Variants in SPAG16 observed in about 807,000 individuals in gnomAD.
SPAG16 encodes sperm-associated antigen 16 protein.
Under a neutral mutation model 80.4 loss-of-function variants are expected in SPAG16, and 86 were observed. That is an observed-to-expected ratio of 1.07 (90% CI 0.90 to 1.28). The LOEUF (loss-of-function observed/expected upper bound fraction) is 1.28. Among genes scored for constraint, SPAG16 ranks in the 50% most tolerant of loss-of-function variants. SPAG16 has a pLI of 0.00. For synonymous variants in SPAG16, 294 were observed against 265.9 expected, an observed-to-expected ratio of 1.11 and a Z score of -1.03; for missense variants, 870 against 765.3, an observed-to-expected ratio of 1.14 and a Z score of -1.61.
intron 9 of SPAG16, among the ~76,000 whole-genome samples, chr2:213,415,268 G>A (rs553562339): frequency 2.0e-4 from 30 of 152,342 alleles, no homozygotes; most frequent in Admixed American, 2.6e-4. Context: ...AAGCATGCAA[G>A]GAGCATGCAG....
At chr2:213,545,140 A>T (rs985651555) in intron 10 of SPAG16, among the ~76,000 whole-genome samples, 7 of 152,040 alleles carry the variant, frequency 4.6e-5, no homozygotes, top group African/African-American at 1.7e-4. Flanking sequence ...CCTTACCAGC[A>T]TTTTGTGGTT....
chr2:213,777,090 AT>A, intron 10 of SPAG16, among the ~76,000 whole-genome samples: 1 of 151,952 alleles, frequency 6.6e-6, no homozygotes, highest in South Asian at 2.1e-4. Context: ...ACATTATACT[AT>A]TTTTCCCTTT....
intron 15 of SPAG16, among the ~76,000 whole-genome samples, chr2:214,279,419 A>C (rs1195877864): frequency 2.0e-5 from 3 of 152,218 alleles, no homozygotes; most frequent in African/African-American, 7.2e-5. Flanking sequence ...ACCCAGAGAG[A>C]TGAAAAACAC....
chr2:213,492,355 C>T (rs191631422), intron 10 of SPAG16, among the ~76,000 whole-genome samples: 18 of 152,180 alleles, frequency 1.2e-4, no homozygotes, highest in East Asian at 1.2e-3. Context: ...TTGAGACCAT[C>T]CTGGCTAACA....
intron 10 of SPAG16, among the ~76,000 whole-genome samples, chr2:213,595,185 G>A (rs961181185): frequency 1.3e-5 from 2 of 152,018 alleles, no homozygotes; most frequent in African/African-American, 2.4e-5. Flanking sequence ...ATGATAGGCT[G>A]CTATTCCATC....
intron 13 of SPAG16, among the ~76,000 whole-genome samples, chr2:214,093,819 A>C (rs2052392210): frequency 6.6e-6 from 1 of 152,120 alleles, no homozygotes; most frequent in African/African-American, 2.4e-5. Flanking sequence ...ATCCATAAAC[A>C]ATATATAAAT....
chr2:214,177,916 CATATATATAT>C (rs10622953), intron 15 of SPAG16, among the ~76,000 whole-genome samples: 2 of 92,204 alleles, frequency 2.2e-5, no homozygotes, highest in Admixed American at 1.2e-4. Flanking sequence ...TATATATATA[CATATATATAT>C]ATATATATGG....
chr2:214,103,152 C>A (rs1046831577), intron 13 of SPAG16, among the ~76,000 whole-genome samples: 2 of 152,128 alleles, frequency 1.3e-5, no homozygotes, highest in African/African-American at 2.4e-5. Context: ...AACACACATG[C>A]CCAAGAAGCT....
At chr2:213,306,101 C>A (rs1395641041) in intron 3 of SPAG16, among the ~76,000 whole-genome samples, 1 of 151,948 alleles carries the variant, frequency 6.6e-6, no homozygotes, top group East Asian at 1.9e-4. Flanking sequence ...TCCATTTCTT[C>A]TAGGCTTTCC....
At chr2:213,875,185 C>T (rs2076096881) in intron 11 of SPAG16, among the ~76,000 whole-genome samples, 1 of 151,874 alleles carries the variant, frequency 6.6e-6, no homozygotes, top group Admixed American at 6.6e-5. Context: ...GGGATCCTCC[C>T]ACTTTGAATC....
intron 10 of SPAG16, among the ~76,000 whole-genome samples, chr2:213,608,935 G>A (rs990270107): frequency 6.6e-6 from 1 of 152,156 alleles, no homozygotes; most frequent in Admixed American, 6.5e-5. Context: ...TGCCCGCCTC[G>A]GCCTCCCAAA....
intron 15 of SPAG16, among the ~76,000 whole-genome samples, chr2:214,317,940 C>G (rs528473424): frequency 6.6e-6 from 1 of 152,266 alleles, no homozygotes; most frequent in East Asian, 1.9e-4. Flanking sequence ...AATCAGAAAG[C>G]CTTCAAGTAT....
chr2:213,805,661 A>C (rs1212760226), intron 10 of SPAG16, among the ~76,000 whole-genome samples: 2 of 152,172 alleles, frequency 1.3e-5, no homozygotes, highest in African/African-American at 4.8e-5. Context: ...CAGAGAAACA[A>C]ACCTTCTGAT....
chr2:213,509,878 G>A (rs1294210888), intron 10 of SPAG16, among the ~76,000 whole-genome samples: 1 of 152,172 alleles, frequency 6.6e-6, no homozygotes, highest in African/African-American at 2.4e-5. Context: ...GAATCCAGCA[G>A]CTGGTTTTTT....
At chr2:213,297,445 G>A in intron 3 of SPAG16, 88 bp downstream of exon 3, 1 of 672,142 alleles carries the variant, frequency 1.5e-6, no homozygotes, top group Non-Finnish European at 2.5e-6. Flanking sequence ...GTAAATACTA[G>A]TGTAGCTCAG....
At chr2:213,747,489 C>T (rs1314866389) in intron 10 of SPAG16, among the ~76,000 whole-genome samples, 1 of 152,186 alleles carries the variant, frequency 6.6e-6, no homozygotes, top group Non-Finnish European at 1.5e-5. Context: ...AAATTGCAGT[C>T]CTGTAGGCAC....
At chr2:213,966,156 G>A (rs1025041507) in intron 12 of SPAG16, among the ~76,000 whole-genome samples, 6 of 152,150 alleles carry the variant, frequency 3.9e-5, no homozygotes, top group Non-Finnish European at 7.4e-5. Context: ...TGGGCTCTGG[G>A]AGAAGATGGA....
At position 213,548,908 on chromosome 2, in the gene SPAG16, T is replaced by C. The variant is rs113859920; in HGVS notation, c.1070+58818T>C. ...GTTTGATAGTTTTATGATTGTATAT[T>C]TTATATTTTAATATAAATGCATTTG... On this transcript the variant is annotated intron_variant, in intron 10 of 15. Transcript: ENST00000331683. Among the ~76,000 whole-genome samples, 121 of 152,228 alleles carry C rather than the reference T, an allele frequency of 7.9e-4. 2 individuals carry two copies. The highest frequency in any genetic ancestry group is 3.4e-3 in the Middle Eastern group (1 of 294).
At chr2:213,994,814 A>G (rs909093945) in intron 12 of SPAG16, among the ~76,000 whole-genome samples, 6 of 152,166 alleles carry the variant, frequency 3.9e-5, no homozygotes, top group Non-Finnish European at 7.4e-5. Context: ...GAACAAATCC[A>G]AAGACAGGCA....
Sources: allele counts gnomAD v4.1 joint callset (sites outside exome capture counted in the v4.1 genomes callset), GRCh38; gene constraint gnomAD v4.1.1; transcripts MANE v1.5; gene names NCBI Gene and HGNC (gene_info 2026-07-23, HGNC 2026-07-21).